ADGRA2: variants seen among roughly 807,000 people sequenced by gnomAD.
The protein encoded by ADGRA2 is adhesion G protein-coupled receptor A2.
In ADGRA2, 61 loss-of-function variants were observed where a neutral mutation model predicts 98.7. The ratio of observed to expected loss-of-function variants is 0.62; its 90% confidence interval spans 0.50 to 0.76. The LOEUF (loss-of-function observed/expected upper bound fraction) is 0.76. ADGRA2 is among the 30% of genes least tolerant of loss of function. The pLI, the probability that ADGRA2 is intolerant of heterozygous loss-of-function variation, is 0.00. For missense variants in ADGRA2, 1,712 were observed against 1,860.0 expected (o/e 0.92, Z 1.46); for synonymous variants, 858 against 831.5 (o/e 1.03, Z -0.55).
At chr8:37,816,528 G>A (rs970694737) in intron 2 of ADGRA2, among the ~76,000 whole-genome samples, 7 of 151,568 alleles carry the variant, frequency 4.6e-5, no homozygotes, top group South Asian at 2.1e-4. Context: ...GGAAGCCAAG[G>A]TTGCAGTAAG....
At chr8:37,805,100 G>A (rs1169573072) in intron 1 of ADGRA2, among the ~76,000 whole-genome samples, 1 of 152,186 alleles carries the variant, frequency 6.6e-6, no homozygotes, top group Non-Finnish European at 1.5e-5. Flanking sequence ...CTAGGTGTTG[G>A]GGAGAGAGAG....
intron 2 of ADGRA2, among the ~76,000 whole-genome samples, chr8:37,816,927 AACACACACACACACACACACACACACAC>A (rs3050620): frequency 4.5e-5 from 6 of 131,996 alleles, no homozygotes; most frequent in African/African-American, 1.7e-4. Flanking sequence ...AAGAAAGCAA[AACACACACACACACACACACACACACAC>A]ACACACACAC....
chr8:37,839,654 C>T, intron 16 of ADGRA2, 32 bp downstream of exon 16: 1 of 1,610,618 alleles, frequency 6.2e-7, no homozygotes, highest in South Asian at 1.1e-5. Context: ...GGGGGTGGTG[C>T]TCCGAGATGA....
chr8:37,799,297 C>G (rs1804431246), intron 1 of ADGRA2, among the ~76,000 whole-genome samples: 1 of 151,932 alleles, frequency 6.6e-6, no homozygotes, highest in South Asian at 2.1e-4. Flanking sequence ...ATCGCTTGAA[C>G]CCGGGAGGCG....
At position 37,833,828 on chromosome 8, in the gene ADGRA2, G is replaced by A; in HGVS notation, c.1437G>A (p.Gln479=). The A allele has an allele frequency of 6.2e-7, 1 of 1,614,142 alleles. No individual in the cohort carries two copies. ...MIQKFLGYVD[Q]IKELVEVMVD... Reference sequence around the variant, plus strand: ...AGAAATTTTTGGGTTATGTCGACCAGATCAAAGAGGTGAGACTCAGCTGGA... The same window carrying A: ...AGAAATTTTTGGGTTATGTCGACCAAATCAAAGAGGTGAGACTCAGCTGGA... The change falls in exon 10 of 19, where the codon CAG becomes CAA. Residue 479 remains glutamine (Q), a synonymous_variant. Coordinates refer to ENST00000412232, the MANE Select transcript of ADGRA2 (RefSeq NM_032777.10).
chr8:37,839,251 A>G, intron 15 of ADGRA2, 168 bp downstream of exon 15: 1 of 551,924 alleles, frequency 1.8e-6, no homozygotes, highest in Non-Finnish European at 2.3e-6. Flanking sequence ...TGCAGGGTGG[A>G]CTCACTGAGG....
chr8:37,838,444 G>T (rs1805684817), intron 14 of ADGRA2, among the ~76,000 whole-genome samples: 2 of 151,978 alleles, frequency 1.3e-5, no homozygotes, highest in Admixed American at 1.3e-4. Context: ...GTAGAGACAG[G>T]GTTTTGCCAT....
Position 37,841,586 on chromosome 8 carries a change from G to T in ADGRA2, c.3248G>T (p.Cys1083Phe). The T allele has an allele frequency of 6.3e-7, 1 of 1,577,400 alleles. No homozygotes were observed. The highest frequency in any genetic ancestry group is 1.8e-5 in the Admixed American group (1 of 55,402). ...GACGTGAGAGCCTCGTGGCGCGCCT[G>T]CTGCCCCCCTGCCTCTCCCGCGGCC... ...RRDVRASWRA[C>F]CPPASPAAPH... is the part of the protein sequence containing the mutation. Residue 1083 changes from cysteine to phenylalanine, a missense_variant, in exon 19 of 19, where the codon TGC becomes TTC. Physicochemically the swap from Cys to Phe is radical, Grantham distance 205. Coordinates refer to ENST00000412232, the MANE Select transcript of ADGRA2 (RefSeq NM_032777.10). This position sits in a 1 kb window ranked among gnomAD's most constrained non-coding sequence, Gnocchi z 5.0.
rs901343966 is a variant in ADGRA2 at position 37,842,433 on chromosome 8, C to T, written c.*78C>T. 2.9e-6 allele frequency: 4 copies of T among 1,393,596 alleles called. No individual in the cohort carries two copies. In the African/African-American group the frequency reaches 4.6e-5, roughly 16 times the overall value. The allele number at this position is 1,393,596 out of a possible 1,614,324, so 86.3% of individuals were successfully genotyped here. A position where few individuals can be genotyped will look rare whatever the true frequency, so the allele number is the denominator to read the frequency against. On this transcript the variant is annotated 3_prime_UTR_variant, in exon 19 of 19. Coordinates refer to ENST00000412232, the MANE Select transcript of ADGRA2 (RefSeq NM_032777.10). The stretch of plus-strand genomic sequence containing the variant: ...TCCTCGGGGCCCTCCAAGGTGTCTC[C>T]GTAGTCAGCAGGTTGGAGGCAGAGG...
intron 9 of ADGRA2, 92 bp downstream of exon 9, chr8:37,833,300 G>T: frequency 9.8e-7 from 1 of 1,016,726 alleles, no homozygotes; most frequent in East Asian, 2.6e-5. Flanking sequence ...CCCTATCTCC[G>T]GGCCGCTGGG....
Position 37,831,588 on chromosome 8 carries a change from G to T in ADGRA2, c.1097+1G>T, listed in dbSNP as rs1805456869. 1 of 1,613,378 alleles carries T rather than the reference G, an allele frequency of 6.2e-7. No homozygotes were observed. Among genetic ancestry groups the T allele is most frequent in the Non-Finnish European group, 8.5e-7 (1 of 1,179,938 alleles). On this transcript the variant is annotated splice_donor_variant, in intron 8 of 18. Transcript: ENST00000412232. LOFTEE classifies it high-confidence loss of function. ...TTGCCAACAACCGCGGGGACTTCAG[G>T]TTTGGCCCACTCCACCCTGTAGAGG...
rs866647503 is a variant in ADGRA2 at position 37,838,975 on chromosome 8, G to A, written c.2279G>A (p.Arg760Lys). ...TCCCAGGAGCTGAGCGCCTTTCCCA[G>A]GGAGGTGGGGGGCGCCGGGGCAGGG... ...AVLMELSAFP[R>K]EVGGAGAGLH... Residue 760 changes from arginine (R) to lysine (K), a missense_variant, in exon 15 of 19, where the codon AGG becomes AAG. Physicochemically the swap from Arg to Lys is conservative, Grantham distance 26 (BLOSUM62 2). Transcript: ENST00000412232. 7 of 1,573,980 alleles carry A rather than the reference G, an allele frequency of 4.4e-6. No homozygotes were observed. The highest frequency in any genetic ancestry group is 4.1e-5 in the African/African-American group (3 of 73,902).
rs1359670336 is a variant in ADGRA2, at chr8:37,810,904, CAGG to C, written c.267-3989_267-3987del. On this transcript the variant is annotated intron_variant, in intron 1 of 18. Transcript: ENST00000412232. Reference sequence around the variant, plus strand: ...GGCCGAGGCGAGTGGATCATGAGGTCAGGAGATCAAGACCATCCTGGCTAACAT... The same window carrying C: ...GGCCGAGGCGAGTGGATCATGAGGTCAGATCAAGACCATCCTGGCTAACAT... 3.3e-5 allele frequency among the ~76,000 whole-genome samples: 5 copies of C among 151,782 alleles called. No homozygotes were observed. The East Asian group carries it at 9.8e-4, about 30-fold the overall frequency.
chr8:37,825,803 C>T (rs1805262226), intron 2 of ADGRA2, among the ~76,000 whole-genome samples: 1 of 152,198 alleles, frequency 6.6e-6, no homozygotes, highest in East Asian at 1.9e-4. Context: ...GCATCGGCTT[C>T]CCATGGGTCC....
In ADGRA2 at chr8:37,844,098, G is replaced by A. The variant is rs867456887; in HGVS notation, c.*1743G>A. The stretch of plus-strand genomic sequence containing the variant: ...AATTCCCCAGTTCCCGCTCCTCTGA[G>A]GGTTGATACTGCTGGGAATGCCAAC... On this transcript the variant is annotated 3_prime_UTR_variant, in exon 19 of 19. Transcript: ENST00000412232. The A allele has an allele frequency of 7.9e-5, 17 of 216,320 alleles. No homozygotes were observed. The highest frequency in any genetic ancestry group is 3.4e-4 in the African/African-American group (15 of 44,696). The allele number at this position is 216,320 out of a possible 1,614,324, so 13.4% of individuals were successfully genotyped here.
At position 37,842,224 on chromosome 8, in the gene ADGRA2, C is replaced by T; in HGVS notation, c.3886C>T (p.Pro1296Ser). 1 of 1,548,346 alleles carries T rather than the reference C, an allele frequency of 6.5e-7. No homozygotes were observed. Among genetic ancestry groups the T allele is most frequent in the Admixed American group, 2.0e-5 (1 of 50,810 alleles). Residue 1296 changes from proline to serine, a missense_variant, in exon 19 of 19, where the codon CCG becomes TCG. Pro to Ser is a moderately conservative substitution (Grantham distance 74, BLOSUM62 -1). Coordinates refer to ENST00000412232, the MANE Select transcript of ADGRA2 (RefSeq NM_032777.10). ...GAAGGAGAGCCATCGCCGCTCGTAC[C>T]CGCTCAACGCCGCCAGCCTAAACGG... ...LEKESHRRSY[P>S]LNAASLNGAP... is the part of the protein sequence containing the mutation.
Position 37,839,036 on chromosome 8 carries a change from G to A in ADGRA2, c.2340G>A (p.Leu780=). ...HPVVYPCTAL[L]LLCLFATIIT... ...TGGTATACCCCTGCACGGCCTTGCT[G>A]CTGCTCTGCCTCTTCGCCACCATCA... Residue 780 remains leucine, a synonymous_variant, in exon 15 of 19, where the codon CTG becomes CTA. Transcript: ENST00000412232. 6.2e-7 allele frequency: 1 copy of A among 1,608,600 alleles called. No individual in the cohort carries two copies. Among genetic ancestry groups the A allele is most frequent in the East Asian group, 2.2e-5 (1 of 44,826 alleles).
Position 37,841,221 on chromosome 8 carries a change from C to T in ADGRA2, c.2883C>T (p.Gly961=). The change falls in exon 19 of 19, where the codon GGC becomes GGT. Residue 961 remains glycine, a synonymous_variant. Coordinates refer to ENST00000412232, the MANE Select transcript of ADGRA2 (RefSeq NM_032777.10). This position sits in a 1 kb window ranked among gnomAD's most constrained non-coding sequence, Gnocchi z 5.0. ...CTCTGGCACAGAACCCCAAGGCGGG[C>T]AACAGCAGGGCCTCCCTGGAGGCAG... The part of the protein sequence containing the change: ...RGPLAQNPKA[G]NSRASLEAGE... 1.2e-6 allele frequency: 2 copies of T among 1,613,614 alleles called. No homozygotes were observed. Among genetic ancestry groups the T allele is most frequent in the Non-Finnish European group, 1.7e-6 (2 of 1,180,020 alleles).
intron 1 of ADGRA2, among the ~76,000 whole-genome samples, chr8:37,806,514 T>C (rs868146532): frequency 3.1e-4 from 39 of 126,768 alleles, no homozygotes; most frequent in African/African-American, 3.9e-4. Context: ...TTTCTTTTTC[T>C]TTTTTCTTTT....
Sources: gnomAD v4.1 joint callset for allele counts (sites outside exome capture counted in the v4.1 genomes callset) on GRCh38, gnomAD v4.1.1 for gene constraint, Gnocchi (gnomAD v3.1) non-coding constraint, MANE v1.5 for transcripts, NCBI Gene and HGNC (gene_info 2026-07-23, HGNC 2026-07-21) for gene names.